The following CSMD2 variants were observed in gnomAD, a reference collection of about 807,000 sequenced individuals.
The protein encoded by CSMD2 is CUB and Sushi multiple domains 2.
CSMD2 carries 130 observed loss-of-function variants against 398.5 expected under a neutral mutation model. The ratio of observed to expected loss-of-function variants is 0.33; its 90% CI spans 0.28 to 0.38. The LOEUF is 0.38. Ranked by LOEUF, CSMD2 falls within the 10% of genes least tolerant of loss-of-function variation. The pLI is 1.00. For missense variants in CSMD2, 3,829 were observed against 4,764.9 expected (o/e 0.80, Z 5.78); for synonymous variants, 1,828 against 1,908.5 (o/e 0.96, Z 1.10).
At chr1:33,941,880 A>G (rs1439463822) in intron 3 of CSMD2, among the ~76,000 whole-genome samples, 3 of 151,968 alleles carry the variant, frequency 2.0e-5, no homozygotes, top group Non-Finnish European at 4.4e-5. Context: ...GTCATATATA[A>G]AGTTAATATA....
rs183350682 is a variant in CSMD2, at chr1:33,760,757, T to A, written c.1846+11812A>T. 2.8e-3 allele frequency among the ~76,000 whole-genome samples: 429 copies of A among 152,248 alleles called. 3 individuals are homozygous for A. Among genetic ancestry groups the A allele is most frequent in the African/African-American group, 8.9e-3 (368 of 41,534 alleles). On this transcript the variant is annotated intron_variant, in intron 13 of 70. Coordinates refer to ENST00000373381, the MANE Select transcript of CSMD2 (RefSeq NM_001281956.2). Reference sequence around the variant, plus strand: ...GCTCAGGGAAGGTATACATTCAATTTTGGCTGAATTTGAAACAAGAGGGAC... The same window carrying A: ...GCTCAGGGAAGGTATACATTCAATTATGGCTGAATTTGAAACAAGAGGGAC...
chr1:33,779,851 T>C (rs113518055), intron 12 of CSMD2, among the ~76,000 whole-genome samples: 1 of 152,138 alleles, frequency 6.6e-6, no homozygotes, highest in Non-Finnish European at 1.5e-5. Context: ...ATATCCCAGC[T>C]TTTCTAGTGA....
At position 34,164,873 on chromosome 1, in the gene CSMD2, C is replaced by T; in HGVS notation, c.187+38G>A. 8.2e-7 allele frequency: 1 copy of T among 1,216,440 alleles called. No individual in the cohort carries two copies. The highest frequency in any genetic ancestry group is 1.0e-6 in the Non-Finnish European group (1 of 978,122). The allele number at this position is 1,216,440 out of a possible 1,614,324, so 75.4% of individuals were successfully genotyped here. A position where few individuals can be genotyped will look rare whatever the true frequency, so the allele number is the denominator to read the frequency against. ...GTGGGCTCGGGGCTCGGGTGGGGCG[C>T]GCGGCGGCCGCTGGCTCCTCGGCGC... On this transcript the variant is annotated intron_variant, in intron 1 of 70. Transcript: ENST00000373381. This position sits in a 1 kb window ranked among gnomAD's most constrained non-coding sequence, Gnocchi z 6.2.
intron 5 of CSMD2, among the ~76,000 whole-genome samples, chr1:33,896,934 C>G (rs997720762): frequency 5.3e-5 from 8 of 151,048 alleles, no homozygotes; most frequent in African/African-American, 2.0e-4. Flanking sequence ...TAAGGACCAG[C>G]AAGGAAGCCA....
At chr1:33,990,966 A>G (rs540564521) in intron 3 of CSMD2, among the ~76,000 whole-genome samples, 1 of 150,298 alleles carries the variant, frequency 6.7e-6, no homozygotes, top group East Asian at 1.9e-4. Flanking sequence ...ATGGTAAAAT[A>G]GTGTTTGTTA....
chr1:34,097,919 A>G (rs1291080479), intron 1 of CSMD2, among the ~76,000 whole-genome samples: 2 of 128,254 alleles, frequency 1.6e-5, no homozygotes, highest in East Asian at 2.3e-4. Context: ...CTGGGTATAT[A>G]CCCAAAGGAC....
intron 12 of CSMD2, among the ~76,000 whole-genome samples, chr1:33,777,415 C>G (rs1265607232): frequency 3.3e-5 from 5 of 152,158 alleles, no homozygotes; most frequent in Non-Finnish European, 2.9e-5. Context: ...TAAGCCTTCT[C>G]TCCAAGCTCA....
intron 2 of CSMD2, among the ~76,000 whole-genome samples, chr1:34,039,836 T>C (rs773602814): frequency 3.3e-5 from 5 of 152,026 alleles, no homozygotes; most frequent in Non-Finnish European, 7.4e-5. Context: ...AGGGGGATAG[T>C]AGATAAACAA....
intron 22 of CSMD2, among the ~76,000 whole-genome samples, chr1:33,707,695 G>GCGCGCGCACACA (rs1172787777): frequency 1.1e-5 from 1 of 92,090 alleles, no homozygotes; most frequent in South Asian, 3.1e-4. Flanking sequence ...GCGCGCGCGC[G>GCGCGCGCACACA]CACACACACA....
At position 33,533,627 on chromosome 1, in the gene CSMD2, G is replaced by C. The variant is rs1410977229; in HGVS notation, c.9991+169C>G. Among the ~76,000 whole-genome samples, 1 of 152,192 alleles carries C rather than the reference G, an allele frequency of 6.6e-6. No individual in the cohort carries two copies. Among genetic ancestry groups the C allele is most frequent in the East Asian group, 1.9e-4 (1 of 5,192 alleles). On this transcript the variant is annotated intron_variant, in intron 63 of 70. Transcript: ENST00000373381. The surrounding 1 kb of genome is among the most constrained non-coding windows in gnomAD (Gnocchi z 4.2). ...GCCTTCCAATATCAGAAAGGCTTTT[G>C]TGTGGAAGTCTTCTGTGAGGCCCCA...
chr1:33,642,669 T>G (rs1165044849), intron 29 of CSMD2, among the ~76,000 whole-genome samples: 1 of 152,210 alleles, frequency 6.6e-6, no homozygotes, highest in East Asian at 1.9e-4. Context: ...ATCTGTATTG[T>G]TAAAATATAG....
intron 1 of CSMD2, among the ~76,000 whole-genome samples, chr1:34,133,961 C>T (rs1016178131): frequency 2.7e-5 from 4 of 147,666 alleles, no homozygotes; most frequent in Admixed American, 1.4e-4. Flanking sequence ...CCCAGCTACT[C>T]AGGAGGCTGA....
At chr1:34,128,008 G>T (rs1030987838) in intron 1 of CSMD2, among the ~76,000 whole-genome samples, 1 of 152,054 alleles carries the variant, frequency 6.6e-6, no homozygotes, top group African/African-American at 2.4e-5. Context: ...ACCTCCATTT[G>T]CCCCTTGGCT....
rs3045848 is a variant in CSMD2 at position 33,950,383 on chromosome 1, C to CAGAGAGAGAGAGAGAG, written c.518-14445_518-14430dup. Among the ~76,000 whole-genome samples the CAGAGAGAGAGAGAGAG allele has an allele frequency of 9.3e-3, 1,243 of 133,692 alleles. 7 individuals carry two copies. Among genetic ancestry groups the CAGAGAGAGAGAGAGAG allele is most frequent in the African/African-American group, 0.028 (968 of 34,042 alleles). The allele number at this position is 133,692 out of a possible 152,430, so 87.7% of individuals were successfully genotyped here. The stretch of plus-strand genomic sequence containing the variant: ...ATGGCTCTCCTTATTTCTCCTCCAG[C>CAGAGAGAGAGAGAGAG]AGAGAGAGAGAGAGAGAGAGAGAGA... On this transcript the variant is annotated intron_variant, in intron 3 of 70. Transcript: ENST00000373381.
At chr1:34,087,617 TA>T (rs1658040231) in intron 2 of CSMD2, among the ~76,000 whole-genome samples, 1 of 93,786 alleles carries the variant, frequency 1.1e-5, no homozygotes, top group African/African-American at 4.0e-5. Flanking sequence ...TAAAGTATAA[TA>T]ATAATAATAA....
At position 34,163,690 on chromosome 1, in the gene CSMD2, C is replaced by G. The variant is rs1641574559; in HGVS notation, c.187+1221G>C. 2.0e-5 allele frequency among the ~76,000 whole-genome samples: 3 copies of G among 152,192 alleles called. No individual in the cohort carries two copies. Among genetic ancestry groups the G allele is most frequent in the Non-Finnish European group, 4.4e-5 (3 of 68,030 alleles). On this transcript the variant is annotated intron_variant, in intron 1 of 70. Coordinates refer to ENST00000373381, the MANE Select transcript of CSMD2 (RefSeq NM_001281956.2). The surrounding 1 kb of genome is among the most constrained non-coding windows in gnomAD (Gnocchi z 5.4). ...AACAAAAACAAAAAAGAAAACACGG[C>G]TCCAGGTCGAAGGTGCCCTAGGTCT...
chr1:34,040,619 CAG>C (rs1247335460), intron 2 of CSMD2, among the ~76,000 whole-genome samples: 10 of 152,310 alleles, frequency 6.6e-5, no homozygotes, highest in South Asian at 4.1e-4. Flanking sequence ...AGCAGCCACA[CAG>C]AGTCTTAGGT....
At chr1:34,045,081 CT>C (rs1652357845) in intron 2 of CSMD2, among the ~76,000 whole-genome samples, 1 of 146,806 alleles carries the variant, frequency 6.8e-6, no homozygotes, top group Non-Finnish European at 1.5e-5. Flanking sequence ...ACACACACCC[CT>C]ACAAACACAG....
At chr1:33,734,372 T>C (rs923641846) in intron 15 of CSMD2, among the ~76,000 whole-genome samples, 35 of 152,332 alleles carry the variant, frequency 2.3e-4, no homozygotes, top group African/African-American at 7.2e-4. Flanking sequence ...TTTATTTGTT[T>C]ATTTGACAGA....
Sources: gnomAD v4.1 joint callset for allele counts (sites outside exome capture counted in the v4.1 genomes callset) on GRCh38, gnomAD v4.1.1 for gene constraint, Gnocchi (gnomAD v3.1) non-coding constraint, MANE v1.5 for transcripts, NCBI Gene and HGNC (gene_info 2026-07-23, HGNC 2026-07-21) for gene names.